The following SLC22A14 variants were observed in gnomAD, a reference collection of about 807,000 sequenced individuals.
SLC22A14 encodes solute carrier family 22 member 14.
In SLC22A14, 50 loss-of-function variants were observed where a neutral mutation model predicts 53.9. The ratio of observed to expected loss-of-function variants is 0.93; its 90% CI spans 0.74 to 1.17. SLC22A14 has a LOEUF of 1.17. SLC22A14 is among the 50% of genes most tolerant of loss of function. The pLI, the probability that SLC22A14 is intolerant of heterozygous loss-of-function variation, is 0.00. For missense variants in SLC22A14, 671 were observed against 734.7 expected (o/e 0.91, Z 1.00); for synonymous variants, 312 against 303.0 (o/e 1.03, Z -0.31).
intron 1 of SLC22A14, among the ~76,000 whole-genome samples, chr3:38,298,187 T>A (rs919023622): frequency 6.6e-6 from 1 of 152,200 alleles, no homozygotes; most frequent in African/African-American, 2.4e-5. Flanking sequence ...GCTCCTGTGT[T>A]CTTTTGATGT....
chr3:38,304,712 T>A (rs530753617), intron 1 of SLC22A14, among the ~76,000 whole-genome samples: 43 of 152,336 alleles, frequency 2.8e-4, no homozygotes, highest in African/African-American at 8.9e-4. Context: ...TCCAGCTGAT[T>A]TTCAAGATCT....
intron 1 of SLC22A14, among the ~76,000 whole-genome samples, chr3:38,284,583 A>G (rs1184250400): frequency 6.6e-6 from 1 of 152,156 alleles, no homozygotes; most frequent in Non-Finnish European, 1.5e-5. Flanking sequence ...AAGAACTTAG[A>G]AAGGAGGCCT....
At position 38,307,516 on chromosome 3, in the gene SLC22A14, C is replaced by T; in HGVS notation, c.621-50C>T. On this transcript the variant is annotated intron_variant, in intron 3 of 10. Coordinates refer to ENST00000448498, the MANE Select transcript of SLC22A14 (RefSeq NM_001320033.2). This position sits in a 1 kb window ranked among gnomAD's most constrained non-coding sequence, Gnocchi z 4.4. Reference sequence around the variant, plus strand: ...TGGCCCAGGTGTATCCGGCTGGGGCCAGCCCGGGAGATCCCGGCACTTGGT... The same window carrying T: ...TGGCCCAGGTGTATCCGGCTGGGGCTAGCCCGGGAGATCCCGGCACTTGGT... 6.2e-7 allele frequency: 1 copy of T among 1,604,082 alleles called. No individual in the cohort carries two copies. The highest frequency in any genetic ancestry group is 1.1e-5 in the South Asian group (1 of 89,752).
At position 38,306,305 on chromosome 3, in the gene SLC22A14, C is replaced by T. The variant is rs1001339019; in HGVS notation, c.279C>T (p.Ala93=). 1 of 1,614,150 alleles carries T rather than the reference C, an allele frequency of 6.2e-7. No homozygotes were observed. ...FMFADHFVFT[A]QKPYCNTSWI... ...TTGCTGACCACTTCGTGTTCACAGC[C>T]CAGAAGCCCTATTGCAATACCAGCT... is the stretch of plus-strand genomic sequence containing the variant. The change falls in exon 2 of 11, where the codon GCC becomes GCT. Residue 93 remains alanine (A), a synonymous_variant. Coordinates refer to ENST00000448498, the MANE Select transcript of SLC22A14 (RefSeq NM_001320033.2).
chr3:38,286,035 C>T (rs977640341), intron 1 of SLC22A14, among the ~76,000 whole-genome samples: 1 of 152,116 alleles, frequency 6.6e-6, no homozygotes, highest in African/African-American at 2.4e-5. Context: ...GAGTTTAAGA[C>T]CAGCCTGACC....
intron 1 of SLC22A14, among the ~76,000 whole-genome samples, chr3:38,289,553 C>T (rs984226978): frequency 2.0e-5 from 3 of 152,154 alleles, no homozygotes; most frequent in Admixed American, 6.5e-5. Context: ...TTGGGCCATG[C>T]GGTGAATGTT....
intron 1 of SLC22A14, among the ~76,000 whole-genome samples, chr3:38,287,110 C>T (rs113850754): frequency 0.026 from 3,931 of 150,340 alleles, 89 homozygotes; most frequent in African/African-American, 0.06. Context: ...TGTGTGTGTG[C>T]GTGTGTGTGT....
chr3:38,296,187 G>A (rs940658885), intron 1 of SLC22A14, among the ~76,000 whole-genome samples: 2 of 152,228 alleles, frequency 1.3e-5, no homozygotes, highest in East Asian at 1.9e-4. Context: ...ACGCATGGGC[G>A]GCTGTTGAAT....
At chr3:38,316,661 C>A (rs1704631886) in intron 10 of SLC22A14, 137 bp downstream of exon 10, 1 of 753,320 alleles carries the variant, frequency 1.3e-6, no homozygotes, top group East Asian at 2.7e-5. Context: ...ATGTCCGCAG[C>A]AGTCTCTCCG....
At chr3:38,305,995 C>T in intron 1 of SLC22A14, 32 bp from the exon 2 acceptor site, 1 of 1,576,340 alleles carries the variant, frequency 6.3e-7, no homozygotes. Flanking sequence ...GTGGTGTCAG[C>T]AGAGACTGAG....
rs757930755 is a variant in SLC22A14 at position 38,312,995 on chromosome 3, G to A, written c.945-4G>A. The A allele has an allele frequency of 3.9e-5, 61 of 1,576,462 alleles. No homozygotes were observed. The South Asian group carries it at 4.5e-4, about 12-fold the overall frequency. On this transcript the variant is annotated splice_polypyrimidine_tract_variant and splice_region_variant and intron_variant, in intron 5 of 10. Coordinates refer to ENST00000448498, the MANE Select transcript of SLC22A14 (RefSeq NM_001320033.2). ...GTGAGATAAGAGAGGGGCTGGCCACGCAGGATTCTCCCGGAGTCCCCGCGG... is the reference window on the plus strand; with the variant it reads ...GTGAGATAAGAGAGGGGCTGGCCACACAGGATTCTCCCGGAGTCCCCGCGG...
chr3:38,311,186 C>T (rs1206068866), intron 5 of SLC22A14, among the ~76,000 whole-genome samples: 1 of 152,156 alleles, frequency 6.6e-6, no homozygotes, highest in Non-Finnish European at 1.5e-5. Flanking sequence ...GAACTGGATT[C>T]CCAGCCTCTA....
intron 8 of SLC22A14, 26 bp from the exon 9 acceptor site, chr3:38,315,532 G>T: frequency 2.5e-6 from 4 of 1,606,684 alleles, no homozygotes; most frequent in Non-Finnish European, 3.4e-6. Context: ...GAGGGCTGAT[G>T]AGTGGAACTC....
At chr3:38,296,761 G>A (rs768378842) in intron 1 of SLC22A14, among the ~76,000 whole-genome samples, 4 of 152,212 alleles carry the variant, frequency 2.6e-5, no homozygotes, top group Non-Finnish European at 2.9e-5. Context: ...GGAACCCAGC[G>A]ACTAGTGTTC....
chr3:38,315,852 C>T, intron 9 of SLC22A14, 141 bp downstream of exon 9: 1 of 896,374 alleles, frequency 1.1e-6, no homozygotes, highest in South Asian at 1.6e-5. Context: ...CTCATTTAAA[C>T]ACCACCAGAA....
rs1704680785 is a variant in SLC22A14 at position 38,318,469 on chromosome 3, G to A, written c.*220G>A. ...CAGGCCTAGTTCAGTCTGGGGGCAG[G>A]GTCAGTCCTTCTCCCAGGCCAGCCC... On this transcript the variant is annotated 3_prime_UTR_variant, in exon 11 of 11. Transcript: ENST00000448498. The A allele has an allele frequency of 1.9e-6, 1 of 538,022 alleles. No individual in the cohort carries two copies. Among genetic ancestry groups the A allele is most frequent in the Admixed American group, 3.2e-5 (1 of 31,442 alleles). 33.3% of individuals were successfully genotyped at this position (538,022 alleles called of 1,614,324 possible). A position where few individuals can be genotyped will look rare whatever the true frequency, so the allele number is the denominator to read the frequency against.
In SLC22A14 at chr3:38,302,299, CACATATATATTTATATATAT is replaced by C. The variant is rs1363206786; in HGVS notation, c.1-3706_1-3687del. Among the ~76,000 whole-genome samples, 147 of 48,668 alleles carry C rather than the reference CACATATATATTTATATATAT, an allele frequency of 3.0e-3. 1 individual carries two copies. The highest frequency in any genetic ancestry group is 6.0e-3 in the Non-Finnish European group (112 of 18,618). 31.9% of individuals were successfully genotyped at this position (48,668 alleles called of 152,430 possible). On this transcript the variant is annotated intron_variant, in intron 1 of 10. Coordinates refer to ENST00000448498, the MANE Select transcript of SLC22A14 (RefSeq NM_001320033.2). ...ATATACACATATATATTTATATATA[CACATATATATTTATATATAT>C]ACATATATATTTATATATATATTTA...
intron 1 of SLC22A14, among the ~76,000 whole-genome samples, chr3:38,291,504 A>G (rs1357244033): frequency 1.3e-5 from 2 of 152,180 alleles, no homozygotes; most frequent in Non-Finnish European, 2.9e-5. Context: ...ATATCATGAG[A>G]TGTCCACACA....
upstream of SLC22A14, among the ~76,000 whole-genome samples, chr3:38,282,065 G>A (rs1004446221): frequency 6.6e-6 from 1 of 152,350 alleles, no homozygotes; most frequent in Admixed American, 6.5e-5. Flanking sequence ...ATATCTGGAA[G>A]GACAGGAGAA....
Sources: allele counts gnomAD v4.1 joint callset (sites outside exome capture counted in the v4.1 genomes callset), GRCh38; gene constraint gnomAD v4.1.1; non-coding constraint Gnocchi (gnomAD v3.1); transcripts MANE v1.5; gene names NCBI Gene and HGNC (gene_info 2026-07-23, HGNC 2026-07-21).